The following TNFRSF21 variants were observed in gnomAD, a reference collection of about 807,000 sequenced individuals.
The protein encoded by TNFRSF21 is tumor necrosis factor receptor superfamily member 21.
A neutral mutation model predicts 45.6 loss-of-function variants in TNFRSF21; 19 were observed. That is an observed-to-expected ratio of 0.42 (90% CI 0.29 to 0.61). The LOEUF is 0.61. TNFRSF21 is among the 20% of genes least tolerant of loss of function. The pLI is 0.23. For missense variants in TNFRSF21, 737 were observed against 851.5 expected, an observed-to-expected ratio of 0.87 and a Z score of 1.67; for synonymous variants, 314 against 335.5, an observed-to-expected ratio of 0.94 and a Z score of 0.70.
intron 4 of TNFRSF21, among the ~76,000 whole-genome samples, chr6:47,249,779 C>A (rs1764873804): frequency 6.6e-6 from 1 of 152,110 alleles, no homozygotes; most frequent in African/African-American, 2.4e-5. Flanking sequence ...AAAAAGTACA[C>A]ATTTATTGCC....
chr6:47,303,574 C>A (rs1762901766), intron 1 of TNFRSF21, among the ~76,000 whole-genome samples: 1 of 152,162 alleles, frequency 6.6e-6, no homozygotes. Context: ...TCACTGAGAT[C>A]ACTATTGCTT....
At chr6:47,267,420 C>G (rs1404919065) in intron 3 of TNFRSF21, among the ~76,000 whole-genome samples, 3 of 152,064 alleles carry the variant, frequency 2.0e-5, no homozygotes, top group Admixed American at 6.6e-5. Flanking sequence ...ATTTTCTTTT[C>G]TACTCTTCTT....
chr6:47,254,191 A>G (rs1272173093), intron 3 of TNFRSF21, among the ~76,000 whole-genome samples: 2 of 152,188 alleles, frequency 1.3e-5, no homozygotes, highest in Non-Finnish European at 2.9e-5. Flanking sequence ...GAGACAGTCA[A>G]TCTGATAACC....
intron 1 of TNFRSF21, among the ~76,000 whole-genome samples, chr6:47,296,014 A>T (rs866007095): frequency 4.6e-5 from 7 of 152,208 alleles, no homozygotes; most frequent in Admixed American, 2.0e-4. Context: ...TACACTCAGC[A>T]GCACTCAGTC....
intron 4 of TNFRSF21, among the ~76,000 whole-genome samples, chr6:47,236,419 C>T (rs568328164): frequency 1.6e-4 from 24 of 152,266 alleles, no homozygotes; most frequent in Middle Eastern, 3.4e-3. Context: ...AGCTTTTCAA[C>T]GAAGACATTG....
intron 1 of TNFRSF21, among the ~76,000 whole-genome samples, chr6:47,298,306 A>G (rs75110792): frequency 6.8e-6 from 1 of 147,644 alleles, no homozygotes; most frequent in Non-Finnish European, 1.5e-5. Context: ...AAAAAAAAAA[A>G]GGAATCAGGT....
At chr6:47,281,175 G>A (rs1317422026) in intron 3 of TNFRSF21, among the ~76,000 whole-genome samples, 2 of 152,086 alleles carry the variant, frequency 1.3e-5, no homozygotes, top group African/African-American at 4.8e-5. Context: ...GAAAACTGTA[G>A]TATGTTTTCT....
chr6:47,298,263 G>A lies in TNFRSF21; in HGVS notation c.96+11153C>T, dbSNP rs183895364. On this transcript the variant is annotated intron_variant, in intron 1 of 5. Transcript: ENST00000296861. Reference sequence around the variant, plus strand: ...TGAGACCAGTCTGGCAACATAGGCAGACCCTGTCACTACAAAAAATTAAAA... The same window carrying A: ...TGAGACCAGTCTGGCAACATAGGCAAACCCTGTCACTACAAAAAATTAAAA... Among the ~76,000 whole-genome samples, 259 of 136,126 alleles carry A rather than the reference G, an allele frequency of 1.9e-3. 1 individual carries two copies. The highest frequency in any genetic ancestry group is 6.8e-3 in the African/African-American group (243 of 35,664). The allele number at this position is 136,126 out of a possible 152,430, so 89.3% of individuals were successfully genotyped here.
chr6:47,266,932 C>T (rs182216091), intron 3 of TNFRSF21, among the ~76,000 whole-genome samples: 39 of 152,214 alleles, frequency 2.6e-4, no homozygotes, highest in African/African-American at 8.9e-4. Flanking sequence ...CACTTGTACA[C>T]AGAATATTCC....
chr6:47,302,238 G>A (rs1372143015), intron 1 of TNFRSF21, among the ~76,000 whole-genome samples: 1 of 152,116 alleles, frequency 6.6e-6, no homozygotes, highest in African/African-American at 2.4e-5. Context: ...AAATCACGGA[G>A]TTAAACCAGT....
At chr6:47,247,375 A>G (rs1029316966) in intron 4 of TNFRSF21, among the ~76,000 whole-genome samples, 6 of 152,222 alleles carry the variant, frequency 3.9e-5, no homozygotes, top group Non-Finnish European at 5.9e-5. Context: ...TGCTAGATAC[A>G]TGCAAGTTTA....
chr6:47,272,093 A>G (rs189371476), intron 3 of TNFRSF21, among the ~76,000 whole-genome samples: 1 of 152,328 alleles, frequency 6.6e-6, no homozygotes, highest in Non-Finnish European at 1.5e-5. Context: ...CATTGTCAGT[A>G]TTAGACAGAT....
chr6:47,289,655 T>G (rs1334687371), intron 1 of TNFRSF21, among the ~76,000 whole-genome samples: 1 of 152,164 alleles, frequency 6.6e-6, no homozygotes, highest in Admixed American at 6.5e-5. Flanking sequence ...GCACAGCGGA[T>G]GCACTGGATA....
intron 3 of TNFRSF21, among the ~76,000 whole-genome samples, chr6:47,282,125 C>A (rs1056912202): frequency 2.4e-4 from 37 of 152,108 alleles, no homozygotes; most frequent in Admixed American, 1.4e-3. Flanking sequence ...GTGGCTCACA[C>A]CTGTAATCCC....
chr6:47,309,527 T>A lies in TNFRSF21; in HGVS notation c.-16A>T, dbSNP rs781388865. 2.8e-6 allele frequency: 4 copies of A among 1,422,434 alleles called. No individual in the cohort carries two copies. In the South Asian group the frequency reaches 4.5e-5, roughly 16 times the overall value. The allele number at this position is 1,422,434 out of a possible 1,614,324, so 88.1% of individuals were successfully genotyped here. On this transcript the variant is annotated 5_prime_UTR_variant, in exon 1 of 6. Coordinates refer to ENST00000296861, the MANE Select transcript of TNFRSF21 (RefSeq NM_014452.5). Reference sequence around the variant, plus strand: ...AGGTCCCCATGGCTGAACCGGGGACTCGCAGGGGCGCCCGGGGCGCGCGGG... The same window carrying A: ...AGGTCCCCATGGCTGAACCGGGGACACGCAGGGGCGCCCGGGGCGCGCGGG...
intron 1 of TNFRSF21, among the ~76,000 whole-genome samples, chr6:47,300,241 A>G (rs1762846265): frequency 2.0e-5 from 3 of 152,206 alleles, no homozygotes; most frequent in African/African-American, 4.8e-5. Context: ...CTGCTCCCCA[A>G]GCCTTCCCTT....
At position 47,281,383 on chromosome 6, in the gene TNFRSF21, GA is replaced by G. The variant is rs965121966; in HGVS notation, c.1243+2554del. On this transcript the variant is annotated intron_variant, in intron 3 of 5. Transcript: ENST00000296861. ...ATTTTACAATATAAAATCTATATGT[GA>G]TTTTTTTTTTTTTTGAGATGAAGTC... is the stretch of plus-strand genomic sequence containing the variant. 2.0e-5 allele frequency among the ~76,000 whole-genome samples: 3 copies of G among 149,788 alleles called. No individual in the cohort carries two copies. In the East Asian group the frequency reaches 5.8e-4, roughly 29 times the overall value.
chr6:47,242,629 G>T (rs1050001287), intron 4 of TNFRSF21, among the ~76,000 whole-genome samples: 2 of 152,212 alleles, frequency 1.3e-5, no homozygotes, highest in Non-Finnish European at 2.9e-5. Flanking sequence ...AGGGAAAAGG[G>T]GGGGCAGCCC....
intron 4 of TNFRSF21, among the ~76,000 whole-genome samples, chr6:47,239,690 A>G (rs1018864154): frequency 1.3e-5 from 2 of 152,216 alleles, no homozygotes; most frequent in Non-Finnish European, 2.9e-5. Context: ...GAGAGAAGAC[A>G]TAACACTAAC....
Sources: allele counts gnomAD v4.1 joint callset (sites outside exome capture counted in the v4.1 genomes callset), GRCh38; gene constraint gnomAD v4.1.1; transcripts MANE v1.5; gene names NCBI Gene and HGNC (gene_info 2026-07-23, HGNC 2026-07-21).